The following CHD1L variants were observed in gnomAD, a reference collection of about 807,000 sequenced individuals.
CHD1L encodes the protein ATP-dependent chromatin remodeler CHD1L.
Under a neutral mutation model 115.9 loss-of-function variants are expected in CHD1L, and 118 were observed. That is an observed-to-expected ratio of 1.02 (90% CI 0.88 to 1.19). CHD1L has a LOEUF of 1.19. CHD1L is among the 50% of genes most tolerant of loss of function. The probability of loss-of-function intolerance (pLI) is 0.00; values close to 1 mark genes in which losing one functional copy is unlikely to be tolerated. For missense variants in CHD1L, 1,179 were observed against 1,065.3 expected (o/e 1.11, Z -1.49); for synonymous variants, 411 against 387.1 (o/e 1.06, Z -0.72).
At chr1:147,216,219 G>A in the CHD1L span, among the ~76,000 whole-genome samples, 6,706 of 152,178 alleles carry the variant, frequency 0.044, 170 homozygotes, top group African/African-American at 0.072. Flanking sequence ...CAGAAAGCTC[G>A]CTCTGGTAGA....
At chr1:147,181,391 A>G in the CHD1L span, among the ~76,000 whole-genome samples, 235 of 152,320 alleles carry the variant, frequency 1.5e-3, no homozygotes, top group African/African-American at 5.0e-3. Flanking sequence ...GAGGGTGCCT[A>G]TGTGACTAGC....
Position 147,244,159 on chromosome 1 carries a change from T to G in CHD1L, c.127+1329T>G, listed in dbSNP as rs587757094. 4.6e-5 allele frequency among the ~76,000 whole-genome samples: 7 copies of G among 152,354 alleles called. No individual in the cohort carries two copies. The East Asian group carries it at 1.3e-3, about 29-fold the overall frequency. The stretch of plus-strand genomic sequence containing the variant: ...GGGAATGGTTCTTTAAGAACTTGTG[T>G]GAGAGAGGGCTCAGAAAAGTGTGCC... On this transcript the variant is annotated intron_variant, in intron 1 of 22. Coordinates refer to ENST00000369258, the MANE Select transcript of CHD1L (RefSeq NM_004284.6).
At chr1:147,280,358 AAACT>A (rs1680366006) in intron 15 of CHD1L, among the ~76,000 whole-genome samples, 167 bp downstream of exon 15, 1 of 152,168 alleles carries the variant, frequency 6.6e-6, no homozygotes, top group Non-Finnish European at 1.5e-5. Context: ...AACGTTACCC[AAACT>A]AACTGGAAAT....
At chr1:147,242,558 C>G, upstream of CHD1L, 1 of 847,930 alleles carries the variant, frequency 1.2e-6, no homozygotes, top group Non-Finnish European at 1.6e-6. Flanking sequence ...GCACCAGCTC[C>G]GCTCCGGATA....
intron 15 of CHD1L, among the ~76,000 whole-genome samples, chr1:147,282,903 T>C (rs1553962899): frequency 2.0e-5 from 3 of 152,192 alleles, no homozygotes; most frequent in Admixed American, 6.5e-5. Context: ...CTTCGATGAA[T>C]GGATATAGGT....
At chr1:147,178,830 C>T in the CHD1L span, 7 of 1,599,798 alleles carry the variant, frequency 4.4e-6, no homozygotes, top group African/African-American at 1.3e-5. Flanking sequence ...TCCAGGAAAA[C>T]ATTTTTGGTA....
At chr1:147,214,352 G>C in the CHD1L span, among the ~76,000 whole-genome samples, 1 of 152,148 alleles carries the variant, frequency 6.6e-6, no homozygotes, top group South Asian at 2.1e-4. Context: ...TCGGGAGGCT[G>C]AGGCGGGAGA....
chr1:147,268,952 T>C, intron 10 of CHD1L, 74 bp downstream of exon 10: 1 of 1,184,636 alleles, frequency 8.4e-7, no homozygotes, highest in East Asian at 2.5e-5. Flanking sequence ...ACTCACTGAG[T>C]TGTTCAGGCC....
At chr1:147,289,622 A>G (rs1684714921) in intron 19 of CHD1L, among the ~76,000 whole-genome samples, 1 of 152,214 alleles carries the variant, frequency 6.6e-6, no homozygotes, top group Non-Finnish European at 1.5e-5. Context: ...GTGGATTCCA[A>G]TTCCCAGGGA....
intron 1 of CHD1L, among the ~76,000 whole-genome samples, chr1:147,248,269 A>G (rs1186992593): frequency 1.3e-5 from 2 of 151,048 alleles, no homozygotes; most frequent in Non-Finnish European, 2.9e-5. Flanking sequence ...GTGCAATGGC[A>G]CGATCTCAGC....
chr1:147,206,002 T>G, the CHD1L span, among the ~76,000 whole-genome samples: 3 of 151,718 alleles, frequency 2.0e-5, no homozygotes, highest in Non-Finnish European at 4.4e-5. Context: ...GGAGAAAATT[T>G]TTGCAATCTA....
intron 22 of CHD1L, among the ~76,000 whole-genome samples, 171 bp downstream of exon 22, chr1:147,294,688 AT>A (rs1686909651): frequency 6.6e-6 from 1 of 152,212 alleles, no homozygotes; most frequent in South Asian, 2.1e-4. Flanking sequence ...TGTGTATCAA[AT>A]ATGTACACCC....
the CHD1L span, among the ~76,000 whole-genome samples, chr1:147,191,062 T>A: frequency 6.6e-6 from 1 of 152,312 alleles, no homozygotes; most frequent in Non-Finnish European, 1.5e-5. Flanking sequence ...ATGTGCCACA[T>A]TTTCTTAATC....
At chr1:147,215,659 C>T in the CHD1L span, 1 of 897,102 alleles carries the variant, frequency 1.1e-6, no homozygotes. Context: ...GCAAATCAAG[C>T]CAATCTTTAG....
At chr1:147,190,163 G>A in the CHD1L span, 11 of 1,554,158 alleles carry the variant, frequency 7.1e-6, no homozygotes, top group East Asian at 2.3e-5. Context: ...TATCTTCCTG[G>A]GAGAGTTTCT....
upstream of CHD1L, among the ~76,000 whole-genome samples, chr1:147,239,235 C>T (rs1664690666): frequency 1.3e-5 from 2 of 152,250 alleles, no homozygotes; most frequent in African/African-American, 2.4e-5. Context: ...AAATCTAGCC[C>T]CTTCTTCAGG....
chr1:147,245,050 T>A (rs587649226), intron 1 of CHD1L, among the ~76,000 whole-genome samples: 1 of 152,236 alleles, frequency 6.6e-6, no homozygotes, highest in Non-Finnish European at 1.5e-5. Context: ...CTTTGGATCA[T>A]GAAGTTACCT....
At chr1:147,220,973 G>A in the CHD1L span, among the ~76,000 whole-genome samples, 2 of 146,104 alleles carry the variant, frequency 1.4e-5, no homozygotes, top group South Asian at 4.3e-4. Context: ...TGGGTATAAT[G>A]TGGATAGTAT....
the CHD1L span, chr1:147,179,586 G>A: frequency 6.3e-7 from 1 of 1,586,196 alleles, no homozygotes; most frequent in Non-Finnish European, 8.6e-7. Flanking sequence ...TGTAATTCAA[G>A]AAGAAAAACC....
Sources: gnomAD v4.1 joint callset for allele counts (sites outside exome capture counted in the v4.1 genomes callset) on GRCh38, gnomAD v4.1.1 for gene constraint, MANE v1.5 for transcripts, NCBI Gene and HGNC (gene_info 2026-07-23, HGNC 2026-07-21) for gene names.